Variants in CRTC3 observed in about 807,000 individuals in gnomAD.
CRTC3 encodes CREB-regulated transcription coactivator 3.
In CRTC3, 26 loss-of-function variants were observed where a neutral mutation model predicts 74.5. That is an observed-to-expected ratio of 0.35 (90% CI 0.26 to 0.48). The LOEUF is 0.48. CRTC3 is among the 20% of genes least tolerant of loss of function. CRTC3 has a pLI of 0.99. For missense variants in CRTC3, 760 were observed against 787.3 expected, an observed-to-expected ratio of 0.97 and a Z score of 0.41; for synonymous variants, 377 against 325.8, an observed-to-expected ratio of 1.16 and a Z score of -1.69.
intron 14 of CRTC3, 117 bp downstream of exon 14, chr15:90,641,316 G>A: frequency 4.2e-6 from 3 of 720,334 alleles, no homozygotes; most frequent in East Asian, 2.7e-5. Flanking sequence ...AACGTTCCCT[G>A]GGTCGACTTG....
chr15:90,639,612 G>A (rs1969367644), intron 13 of CRTC3, among the ~76,000 whole-genome samples: 2 of 151,292 alleles, frequency 1.3e-5, no homozygotes, highest in African/African-American at 2.4e-5. Flanking sequence ...CCTACACCTG[G>A]CTAAATTTTA....
chr15:90,634,404 C>T (rs536482420), intron 11 of CRTC3, among the ~76,000 whole-genome samples: 6 of 152,324 alleles, frequency 3.9e-5, no homozygotes, highest in East Asian at 1.9e-4. Context: ...TGAGCCAGCA[C>T]GCCAGCCTTG....
intron 3 of CRTC3, among the ~76,000 whole-genome samples, chr15:90,600,856 C>G (rs1179088641): frequency 2.0e-5 from 3 of 152,082 alleles, no homozygotes; most frequent in African/African-American, 7.2e-5. Context: ...ATCCAGGAGA[C>G]AAAAGGAATG....
intron 10 of CRTC3, among the ~76,000 whole-genome samples, chr15:90,627,372 G>A (rs1968874827): frequency 6.6e-6 from 1 of 152,086 alleles, no homozygotes; most frequent in African/African-American, 2.4e-5. Flanking sequence ...AAACCTTTAT[G>A]CCCAGATTCA....
At chr15:90,604,247 G>A (rs1968158291) in intron 4 of CRTC3, 138 bp from the exon 5 acceptor site, 10 of 660,636 alleles carry the variant, frequency 1.5e-5, no homozygotes, top group Admixed American at 7.5e-5. Context: ...CAAAATGAGC[G>A]AGGTGTGGGG....
At chr15:90,615,966 T>C (rs962764693) in intron 7 of CRTC3, among the ~76,000 whole-genome samples, 1 of 151,998 alleles carries the variant, frequency 6.6e-6, no homozygotes, top group Non-Finnish European at 1.5e-5. Flanking sequence ...TTCAAGCGAT[T>C]CTCCTGCCTC....
intron 7 of CRTC3, among the ~76,000 whole-genome samples, chr15:90,616,080 G>A (rs1255949351): frequency 6.6e-6 from 1 of 151,766 alleles, no homozygotes; most frequent in African/African-American, 2.4e-5. Flanking sequence ...TGTCCAGGCT[G>A]GTCTCAATGA....
chr15:90,574,880 C>G (rs1211388517), intron 2 of CRTC3, among the ~76,000 whole-genome samples: 1 of 151,904 alleles, frequency 6.6e-6, no homozygotes, highest in African/African-American at 2.4e-5. Context: ...GCCTTTAATT[C>G]TTTTGTGTGG....
At chr15:90,589,832 C>T (rs1967757859) in intron 2 of CRTC3, among the ~76,000 whole-genome samples, 1 of 151,704 alleles carries the variant, frequency 6.6e-6, no homozygotes, top group African/African-American at 2.4e-5. Flanking sequence ...ACTAAAAATA[C>T]AAAAATTGGC....
At chr15:90,605,135 C>T (rs560993415) in intron 5 of CRTC3, among the ~76,000 whole-genome samples, 29 of 151,462 alleles carry the variant, frequency 1.9e-4, no homozygotes, top group African/African-American at 5.1e-4. Flanking sequence ...GCCTGTGGTT[C>T]GAGCTACTCA....
chr15:90,641,828 TG>T, intron 14 of CRTC3, 103 bp from the exon 15 acceptor site: 1 of 884,186 alleles, frequency 1.1e-6, no homozygotes, highest in Non-Finnish European at 1.8e-6. Context: ...TCAGGATGTG[TG>T]GGATAGCAGT....
intron 2 of CRTC3, among the ~76,000 whole-genome samples, chr15:90,558,791 G>A (rs997083485): frequency 1.3e-5 from 2 of 151,240 alleles, no homozygotes; most frequent in South Asian, 2.1e-4. Flanking sequence ...TTGCTCTGTC[G>A]CCCAGGCTGG....
chr15:90,642,182 C>A lies in CRTC3; in HGVS notation c.*42C>A. The A allele has an allele frequency of 6.4e-7, 1 of 1,554,374 alleles. No homozygotes were observed. Among genetic ancestry groups the A allele is most frequent in the Non-Finnish European group, 8.9e-7 (1 of 1,127,122 alleles). On this transcript the variant is annotated 3_prime_UTR_variant, in exon 15 of 15. Coordinates refer to ENST00000268184, the MANE Select transcript of CRTC3 (RefSeq NM_022769.5). ...CAGAAGAATGTTTTTCTGCAACAGC[C>A]AAAATAGAATGGAATAGAATGAAGC... is the stretch of plus-strand genomic sequence containing the variant.
intron 9 of CRTC3, among the ~76,000 whole-genome samples, chr15:90,621,298 T>G (rs967605145): frequency 6.6e-6 from 1 of 152,092 alleles, no homozygotes; most frequent in Non-Finnish European, 1.5e-5. Context: ...GAGGTTTTTG[T>G]TGTTGTTGTT....
intron 9 of CRTC3, among the ~76,000 whole-genome samples, chr15:90,623,854 TCA>T (rs1271619105): frequency 6.6e-6 from 1 of 152,152 alleles, no homozygotes; most frequent in East Asian, 1.9e-4. Flanking sequence ...GTCTGAATCC[TCA>T]CAGTTCTGAG....
chr15:90,578,061 G>A (rs1350336227), intron 2 of CRTC3, among the ~76,000 whole-genome samples: 6 of 152,022 alleles, frequency 3.9e-5, no homozygotes, highest in Non-Finnish European at 8.8e-5. Context: ...GATTACAGGC[G>A]TGCGCCACCA....
At chr15:90,561,585 C>A (rs1407143159) in intron 2 of CRTC3, among the ~76,000 whole-genome samples, 1 of 152,136 alleles carries the variant, frequency 6.6e-6, no homozygotes, top group Non-Finnish European at 1.5e-5. Context: ...TATATTCCCT[C>A]GCATTTTGAA....
At chr15:90,570,889 A>C (rs1021074786) in intron 2 of CRTC3, among the ~76,000 whole-genome samples, 3 of 150,830 alleles carry the variant, frequency 2.0e-5, no homozygotes, top group Admixed American at 1.3e-4. Context: ...GTGCAGCAAA[A>C]TGTTCCCTGA....
chr15:90,556,223 A>T (rs1465054484), intron 2 of CRTC3, among the ~76,000 whole-genome samples: 1 of 152,056 alleles, frequency 6.6e-6, no homozygotes, highest in African/African-American at 2.4e-5. Flanking sequence ...ATTTTAGTTG[A>T]TTCTGATTTT....
Sources: allele counts gnomAD v4.1 joint callset (sites outside exome capture counted in the v4.1 genomes callset), GRCh38; gene constraint gnomAD v4.1.1; transcripts MANE v1.5; gene names NCBI Gene and HGNC (gene_info 2026-07-23, HGNC 2026-07-21).